The following LUZP2 variants were observed in gnomAD, a reference collection of about 807,000 sequenced individuals.
The protein encoded by LUZP2 is leucine zipper protein 2.
A neutral mutation model predicts 51.6 loss-of-function variants in LUZP2; 52 were observed. The observed-to-expected ratio is 1.01, with a 90% CI of 0.81 to 1.27. The LOEUF (loss-of-function observed/expected upper bound fraction) is 1.27. Among genes scored for constraint, LUZP2 ranks in the 50% most tolerant of loss-of-function variants. The probability of loss-of-function intolerance (pLI) is 0.00; values close to 1 mark genes in which losing one functional copy is unlikely to be tolerated. For synonymous variants in LUZP2, 154 were observed against 137.3 expected, an observed-to-expected ratio of 1.12 and a Z score of -0.85; for missense variants, 436 against 395.4, an observed-to-expected ratio of 1.10 and a Z score of -0.87.
At chr11:24,966,423 A>G (rs935580537) in intron 7 of LUZP2, among the ~76,000 whole-genome samples, 3 of 150,206 alleles carry the variant, frequency 2.0e-5, no homozygotes, top group Admixed American at 6.6e-5. Context: ...TTATATTTAC[A>G]TTTTTCTAAT....
intron 1 of LUZP2, among the ~76,000 whole-genome samples, chr11:24,516,396 C>T (rs1850461821): frequency 6.6e-6 from 1 of 152,102 alleles, no homozygotes; most frequent in South Asian, 2.1e-4. Flanking sequence ...AATAGCCACC[C>T]AGGTTACAGG....
At chr11:24,641,536 GAA>G (rs1855283454) in intron 1 of LUZP2, among the ~76,000 whole-genome samples, 1 of 151,814 alleles carries the variant, frequency 6.6e-6, no homozygotes, top group Admixed American at 6.6e-5. Context: ...GATACATTTA[GAA>G]AGGTACCTCA....
chr11:25,073,054 GT>G (rs1859201336), intron 10 of LUZP2, among the ~76,000 whole-genome samples: 1 of 152,088 alleles, frequency 6.6e-6, no homozygotes, highest in Non-Finnish European at 1.5e-5. Flanking sequence ...TAAAAAGGGG[GT>G]GGGCTAGCTT....
intron 7 of LUZP2, among the ~76,000 whole-genome samples, chr11:24,918,187 C>T (rs528607821): frequency 1.8e-4 from 27 of 152,134 alleles, no homozygotes; most frequent in African/African-American, 5.5e-4. Context: ...ATTGATTTTG[C>T]ATCCTGAGAC....
chr11:24,724,455 C>G (rs1055142480), intron 1 of LUZP2, among the ~76,000 whole-genome samples: 1 of 151,944 alleles, frequency 6.6e-6, no homozygotes, highest in Non-Finnish European at 1.5e-5. Flanking sequence ...GTCTATCGTC[C>G]CAGCTAACTG....
intron 9 of LUZP2, among the ~76,000 whole-genome samples, chr11:25,045,742 C>G (rs1445388199): frequency 1.3e-5 from 2 of 152,094 alleles, no homozygotes; most frequent in Non-Finnish European, 2.9e-5. Flanking sequence ...GCTTTCATAA[C>G]TGGTTGATGT....
chr11:25,033,746 GAC>G (rs1487889912), intron 9 of LUZP2, among the ~76,000 whole-genome samples: 1 of 152,102 alleles, frequency 6.6e-6, no homozygotes. Context: ...TGCTACAAAA[GAC>G]ATAACTTTAT....
At chr11:24,915,232 A>T (rs552570483) in intron 7 of LUZP2, among the ~76,000 whole-genome samples, 2 of 152,234 alleles carry the variant, frequency 1.3e-5, no homozygotes, top group African/African-American at 4.8e-5. Context: ...GGCCAGAAGC[A>T]TGACAATGTT....
intron 1 of LUZP2, among the ~76,000 whole-genome samples, chr11:24,523,053 C>T (rs1202005581): frequency 6.6e-6 from 1 of 151,932 alleles, no homozygotes; most frequent in Non-Finnish European, 1.5e-5. Flanking sequence ...ATCTCATGGT[C>T]TCAAAAAATA....
intron 2 of LUZP2, among the ~76,000 whole-genome samples, chr11:24,730,971 C>T (rs1590412486): frequency 6.6e-6 from 1 of 151,716 alleles, no homozygotes; most frequent in African/African-American, 2.4e-5. Flanking sequence ...ACTTTAACTC[C>T]TGTGAATGAT....
chr11:24,753,519 T>C (rs1446349160), intron 4 of LUZP2, among the ~76,000 whole-genome samples: 1 of 152,156 alleles, frequency 6.6e-6, no homozygotes, highest in African/African-American at 2.4e-5. Context: ...TTATTAAAAT[T>C]GCTTGAGGGG....
intron 9 of LUZP2, among the ~76,000 whole-genome samples, chr11:25,034,110 A>T (rs2404008): frequency 0.58 from 88,202 of 152,022 alleles, 26,706 homozygotes; most frequent in African/African-American, 0.76. Context: ...TGACTTTTTA[A>T]TAATAGCCAT....
At chr11:24,539,029 C>T (rs765895266) in intron 1 of LUZP2, among the ~76,000 whole-genome samples, 3 of 151,680 alleles carry the variant, frequency 2.0e-5, no homozygotes, top group African/African-American at 7.3e-5. Context: ...AAGTATATGC[C>T]GTAGTCTGTT....
chr11:24,512,481 T>C (rs962562872), intron 1 of LUZP2, among the ~76,000 whole-genome samples: 16 of 152,178 alleles, frequency 1.1e-4, no homozygotes, highest in African/African-American at 3.4e-4. Context: ...CAGTCTTTCA[T>C]AAAAATTGAG....
intron 7 of LUZP2, among the ~76,000 whole-genome samples, chr11:24,942,359 G>A (rs1479280430): frequency 6.6e-6 from 1 of 152,098 alleles, no homozygotes; most frequent in Non-Finnish European, 1.5e-5. Context: ...CTGCTTTCCT[G>A]GCAATACTTG....
intron 10 of LUZP2, among the ~76,000 whole-genome samples, chr11:25,066,901 A>G (rs1440669975): frequency 6.6e-6 from 1 of 151,984 alleles, no homozygotes; most frequent in Non-Finnish European, 1.5e-5. Context: ...ATCATCTGCA[A>G]GTTTCATTTT....
chr11:25,077,588 C>T (rs1288064053), intron 11 of LUZP2, among the ~76,000 whole-genome samples, 182 bp downstream of exon 11: 3 of 151,810 alleles, frequency 2.0e-5, no homozygotes, highest in Non-Finnish European at 4.4e-5. Context: ...CAAACTCCAC[C>T]TCCAGGGCTC....
chr11:24,614,164 G>A (rs1854212844), intron 1 of LUZP2, among the ~76,000 whole-genome samples: 1 of 151,880 alleles, frequency 6.6e-6, no homozygotes. Flanking sequence ...TTTAAAAATA[G>A]CTAATATACA....
chr11:24,817,330 T>A (rs1214344265), intron 5 of LUZP2, among the ~76,000 whole-genome samples: 1 of 152,090 alleles, frequency 6.6e-6, no homozygotes, highest in African/African-American at 2.4e-5. Flanking sequence ...AAAACTCCAA[T>A]TTGTATAATA....
Sources: allele counts gnomAD v4.1 joint callset (sites outside exome capture counted in the v4.1 genomes callset), GRCh38; gene constraint gnomAD v4.1.1; transcripts MANE v1.5; gene names NCBI Gene and HGNC (gene_info 2026-07-23, HGNC 2026-07-21).